The following SCEL variants were observed in gnomAD, a reference collection of about 807,000 sequenced individuals.
SCEL encodes sciellin.
SCEL carries 113 observed loss-of-function variants against 117.6 expected under a neutral mutation model. The observed-to-expected ratio is 0.96, with a 90% CI of 0.83 to 1.12. The LOEUF is 1.12. SCEL is among the 50% of genes most tolerant of loss of function. SCEL has a pLI of 0.00. For missense variants in SCEL, 785 were observed against 810.8 expected (o/e 0.97, Z 0.39); for synonymous variants, 270 against 256.2 (o/e 1.05, Z -0.51).
Position 77,568,166 on chromosome 13 carries a change from T to A in SCEL, c.360-129T>A, listed in dbSNP as rs899824504. The A allele has an allele frequency of 4.7e-6, 3 of 634,108 alleles. No individual in the cohort carries two copies. In the East Asian group the frequency reaches 9.2e-5, roughly 19 times the overall value. The allele number at this position is 634,108 out of a possible 1,614,324, so 39.3% of individuals were successfully genotyped here. ...AATCATCTTATGAAATTTATTAAAA[T>A]ATGATGCTTTCTATTTCTTTCTCTC... On this transcript the variant is annotated intron_variant, in intron 6 of 32. Transcript: ENST00000349847.
intron 5 of SCEL, among the ~76,000 whole-genome samples, chr13:77,565,330 A>AT (rs558418107): frequency 2.6e-5 from 4 of 151,852 alleles, no homozygotes; most frequent in Non-Finnish European, 4.4e-5. Flanking sequence ...GAACTCAAGC[A>AT]TTTTTTTTCA....
At chr13:77,546,797 C>A (rs1210794564) in intron 1 of SCEL, among the ~76,000 whole-genome samples, 1 of 152,146 alleles carries the variant, frequency 6.6e-6, no homozygotes, top group Non-Finnish European at 1.5e-5. Context: ...CTCCATGACA[C>A]TGTCAAGGAA....
At chr13:77,538,519 T>G (rs1209341030) in intron 1 of SCEL, among the ~76,000 whole-genome samples, 1 of 152,164 alleles carries the variant, frequency 6.6e-6, no homozygotes, top group East Asian at 1.9e-4. Flanking sequence ...ATTTTGAAGC[T>G]CGGGAGAAGC....
intron 8 of SCEL, among the ~76,000 whole-genome samples, chr13:77,570,524 C>T (rs1362996629): frequency 6.6e-6 from 1 of 152,226 alleles, no homozygotes; most frequent in Non-Finnish European, 1.5e-5. Context: ...CTATTCCTTA[C>T]ATTGAGCTGG....
intron 9 of SCEL, among the ~76,000 whole-genome samples, chr13:77,583,509 G>C (rs1171852807): frequency 1.5e-4 from 23 of 152,168 alleles, no homozygotes; most frequent in Non-Finnish European, 1.5e-5. Context: ...CTCATATACT[G>C]TTGTGTGTCC....
intron 27 of SCEL, among the ~76,000 whole-genome samples, chr13:77,621,656 G>A (rs2089430998): frequency 6.6e-6 from 1 of 152,158 alleles, no homozygotes; most frequent in South Asian, 2.1e-4. Context: ...ATAATGCAAT[G>A]CCTGGTACAT....
intron 9 of SCEL, among the ~76,000 whole-genome samples, chr13:77,584,333 T>A (rs1325521384): frequency 3.3e-5 from 5 of 152,176 alleles, no homozygotes. Context: ...ATTGCAGTGA[T>A]GCAAATGAAA....
At chr13:77,606,831 C>T (rs563474569) in intron 19 of SCEL, among the ~76,000 whole-genome samples, 35 of 152,152 alleles carry the variant, frequency 2.3e-4, no homozygotes, top group Non-Finnish European at 4.1e-4. Context: ...AGTATGGAGA[C>T]GCAGTGCAAA....
chr13:77,569,998 A>G (rs2085504206), intron 8 of SCEL, among the ~76,000 whole-genome samples: 1 of 152,210 alleles, frequency 6.6e-6, no homozygotes, highest in Non-Finnish European at 1.5e-5. Flanking sequence ...ATGGTGACCA[A>G]ATATTCTTCA....
chr13:77,602,352 C>T (rs944798055), intron 16 of SCEL: 13 of 487,854 alleles, frequency 2.7e-5, no homozygotes, highest in Middle Eastern at 8.9e-4. Flanking sequence ...TCTCTTATTC[C>T]GTATTTTCTT....
chr13:77,555,432 G>C (rs112833937), intron 1 of SCEL, among the ~76,000 whole-genome samples: 1 of 152,104 alleles, frequency 6.6e-6, no homozygotes, highest in African/African-American at 2.4e-5. Context: ...CCCTTCTTTG[G>C]GCGTTCACAG....
chr13:77,615,667 A>G (rs992805514), intron 24 of SCEL, among the ~76,000 whole-genome samples: 2 of 152,108 alleles, frequency 1.3e-5, no homozygotes, highest in South Asian at 2.1e-4. Flanking sequence ...TTAGACATGC[A>G]TGTTTTGCAG....
intron 28 of SCEL, 21 bp downstream of exon 28, chr13:77,628,030 C>T (rs944422041): frequency 2.2e-5 from 29 of 1,307,886 alleles, no homozygotes; most frequent in Non-Finnish European, 2.8e-5. Flanking sequence ...TTATAATTCA[C>T]TTTTTTTCTT....
intron 26 of SCEL, 59 bp downstream of exon 26, chr13:77,617,921 A>G (rs2089174563): frequency 6.3e-7 from 1 of 1,575,736 alleles, no homozygotes; most frequent in Non-Finnish European, 8.7e-7. Flanking sequence ...GATGAAGTGG[A>G]TTTATAATGT....
intron 22 of SCEL, among the ~76,000 whole-genome samples, chr13:77,610,449 CAA>C (rs11356008): frequency 0.016 from 1,765 of 112,504 alleles, 32 homozygotes; most frequent in African/African-American, 0.046. Flanking sequence ...AAGACTCCGT[CAA>C]AAAAAAAAAA....
intron 24 of SCEL, 30 bp from the exon 25 acceptor site, chr13:77,617,569 A>C (rs1489594662): frequency 7.4e-7 from 1 of 1,349,072 alleles, no homozygotes; most frequent in Non-Finnish European, 1.0e-6. Flanking sequence ...TCTCTAACCC[A>C]AGTTGCTTTA....
intron 4 of SCEL, among the ~76,000 whole-genome samples, chr13:77,561,647 G>C (rs2084982669): frequency 6.6e-6 from 1 of 152,208 alleles, no homozygotes; most frequent in African/African-American, 2.4e-5. Context: ...AAGATGCATA[G>C]AACATAATCT....
intron 29 of SCEL, among the ~76,000 whole-genome samples, chr13:77,636,329 T>C (rs1004776008): frequency 5.9e-5 from 9 of 152,228 alleles, no homozygotes; most frequent in African/African-American, 1.9e-4. Flanking sequence ...TGTGGGATTA[T>C]GTGTTTCATA....
chr13:77,614,315 A>T (rs937306966), intron 24 of SCEL, among the ~76,000 whole-genome samples: 9 of 152,084 alleles, frequency 5.9e-5, no homozygotes, highest in Admixed American at 1.3e-4. Flanking sequence ...GTTAATTTTT[A>T]AAAAAAGACC....
Sources: allele counts gnomAD v4.1 joint callset (sites outside exome capture counted in the v4.1 genomes callset), GRCh38; gene constraint gnomAD v4.1.1; transcripts MANE v1.5; gene names NCBI Gene and HGNC (gene_info 2026-07-23, HGNC 2026-07-21).